The following DNASE1 variants were observed in gnomAD, a reference collection of about 807,000 sequenced individuals.
DNASE1 encodes the protein deoxyribonuclease-1.
Under a neutral mutation model 33.9 loss-of-function variants are expected in DNASE1, and 40 were observed. The observed-to-expected ratio is 1.18, with a 90% CI of 0.92 to 1.54. DNASE1 has a LOEUF of 1.54. DNASE1 is among the 40% of genes most tolerant of loss of function. The probability of loss-of-function intolerance (pLI) is 0.00; values close to 1 mark genes in which losing one functional copy is unlikely to be tolerated. For missense variants in DNASE1, 518 were observed against 372.6 expected (o/e 1.39, Z -3.21); for synonymous variants, 216 against 160.0 (o/e 1.35, Z -2.64).
chr16:3,629,506 T>C (rs1200104944), intron 1 of DNASE1, among the ~76,000 whole-genome samples: 2 of 152,208 alleles, frequency 1.3e-5, no homozygotes, highest in African/African-American at 4.8e-5. Context: ...AGAGGATTTT[T>C]GCATCATTGT....
intron 1 of DNASE1, among the ~76,000 whole-genome samples, chr16:3,623,491 TAAATG>T (rs1331887701): frequency 6.6e-6 from 1 of 152,136 alleles, no homozygotes; most frequent in Non-Finnish European, 1.5e-5. Flanking sequence ...GGGACTTAAT[TAAATG>T]AAAACACTTC....
rs576920944 is a variant in DNASE1, at chr16:3,632,122, T to C, written c.-1358-8593T>C. Among the ~76,000 whole-genome samples, 246 of 152,316 alleles carry C rather than the reference T, an allele frequency of 1.6e-3. 2 individuals are homozygous for C. Among genetic ancestry groups the C allele is most frequent in the Non-Finnish European group, 2.7e-3 (186 of 68,034 alleles). On this transcript the variant is annotated intron_variant and NMD_transcript_variant, in intron 1 of 11. Coordinates refer to the DNASE1 transcript ENST00000570769. ...TGCATTAGTCTGCTAAGGCGTGTTT[T>C]ATGGACCCGAATGTGATCTATCTTG...
At position 3,648,376 on chromosome 16, in the gene DNASE1, C is replaced by T. The variant is rs979377310; in HGVS notation, c.-86+5340C>T. Among the ~76,000 whole-genome samples, 169 of 152,170 alleles carry T rather than the reference C, an allele frequency of 1.1e-3. 1 individual carries two copies. The highest frequency in any genetic ancestry group is 2.2e-4 in the Non-Finnish European group (15 of 68,026). On this transcript the variant is annotated intron_variant, in intron 1 of 9. Transcript: ENST00000407479. ...AGGAGATCGAGACCATCCTGGCTAA[C>T]ATGGTGAAATCCCGTCTCTACTAAA...
At chr16:3,636,997 G>A (rs1188511181) in intron 1 of DNASE1, among the ~76,000 whole-genome samples, 5 of 152,052 alleles carry the variant, frequency 3.3e-5, no homozygotes, top group African/African-American at 7.2e-5. Context: ...GGTGGCAGGC[G>A]CCTGTAATCC....
chr16:3,661,981 C>A, downstream of DNASE1: 2 of 1,597,360 alleles, frequency 1.3e-6, no homozygotes, highest in Non-Finnish European at 1.7e-6. Context: ...AGGAGCGTGG[C>A]CTCACCTGGG....
chr16:3,644,164 C>G (rs923842788), intron 1 of DNASE1, among the ~76,000 whole-genome samples: 14 of 152,164 alleles, frequency 9.2e-5, no homozygotes, highest in Non-Finnish European at 1.9e-4. Context: ...AAAATTCAGC[C>G]AGGTGCAGTA....
chr16:3,664,588 G>A (rs944317403), exon 10 of DNASE1: 32 of 977,478 alleles, frequency 3.3e-5, no homozygotes, highest in South Asian at 9.8e-5. Flanking sequence ...CCCGAGGGAC[G>A]GTAGTGGACT....
At chr16:3,662,736 G>A (rs2043158659), downstream of DNASE1, 1 of 760,766 alleles carries the variant, frequency 1.3e-6, no homozygotes, top group Non-Finnish European at 2.3e-6. Flanking sequence ...GTGCCGAGCA[G>A]GGACCCACAG....
At chr16:3,636,709 A>G (rs1242207407) in intron 1 of DNASE1, among the ~76,000 whole-genome samples, 1 of 152,040 alleles carries the variant, frequency 6.6e-6, no homozygotes, top group Non-Finnish European at 1.5e-5. Context: ...AATCCCAGCT[A>G]CTCAGGAGGC....
At chr16:3,629,641 G>A (rs1006566416) in intron 1 of DNASE1, among the ~76,000 whole-genome samples, 12 of 152,156 alleles carry the variant, frequency 7.9e-5, no homozygotes, top group African/African-American at 2.9e-4. Context: ...GAAAAGTTTT[G>A]AGAAGGGTTG....
At chr16:3,641,053 C>T (rs2042011155), upstream of DNASE1, 2 of 397,934 alleles carry the variant, frequency 5.0e-6, no homozygotes, top group South Asian at 2.8e-4. Flanking sequence ...GACTCATCCC[C>T]AGCCCCCAGG....
intron 1 of DNASE1, among the ~76,000 whole-genome samples, chr16:3,616,710 T>C (rs2041116058): frequency 6.6e-6 from 1 of 152,216 alleles, no homozygotes; most frequent in Non-Finnish European, 1.5e-5. Context: ...CACTTTGTTC[T>C]TTTTCAAGAA....
chr16:3,654,626 G>A (rs753539136), upstream of DNASE1: 17 of 396,860 alleles, frequency 4.3e-5, no homozygotes, highest in East Asian at 7.1e-5. Flanking sequence ...CAAGGGACAC[G>A]GGATAGGAAC....
intron 1 of DNASE1, among the ~76,000 whole-genome samples, chr16:3,614,287 G>A (rs1342330125): frequency 1.3e-5 from 2 of 151,252 alleles, no homozygotes; most frequent in African/African-American, 2.4e-5. Flanking sequence ...GACATCAGGC[G>A]GGCGATCTTC....
chr16:3,637,068 C>T (rs921622147), intron 1 of DNASE1, among the ~76,000 whole-genome samples: 1 of 151,458 alleles, frequency 6.6e-6, no homozygotes, highest in Non-Finnish European at 1.5e-5. Context: ...AGGTTGCAGT[C>T]AGTAGAGATT....
chr16:3,649,995 T>C (rs547266079), upstream of DNASE1, among the ~76,000 whole-genome samples: 1 of 152,186 alleles, frequency 6.6e-6, no homozygotes. Flanking sequence ...TTTCAAGTCA[T>C]CCTTAAATAA....
chr16:3,624,215 C>G (rs2041424648), intron 1 of DNASE1, among the ~76,000 whole-genome samples: 2 of 151,296 alleles, frequency 1.3e-5, no homozygotes, highest in Non-Finnish European at 2.9e-5. Context: ...GTTTCAGTGA[C>G]CTTAGACTGT....
At chr16:3,623,635 A>G (rs2041401114) in intron 1 of DNASE1, among the ~76,000 whole-genome samples, 1 of 152,176 alleles carries the variant, frequency 6.6e-6, no homozygotes. Context: ...AAAAAAACCC[A>G]TTAGTAAGTG....
chr16:3,654,068 C>G (rs2042445634), upstream of DNASE1: 2 of 243,974 alleles, frequency 8.2e-6, no homozygotes, highest in Non-Finnish European at 1.6e-5. Context: ...ATGATTGTGC[C>G]ACTGCACTCC....
Sources: gnomAD v4.1 joint callset for allele counts (sites outside exome capture counted in the v4.1 genomes callset) on GRCh38, gnomAD v4.1.1 for gene constraint, MANE v1.5 for transcripts, NCBI Gene and HGNC (gene_info 2026-07-23, HGNC 2026-07-21) for gene names.